CSMD1: variants seen among roughly 807,000 people sequenced by gnomAD.
The protein encoded by CSMD1 is CUB and sushi domain-containing protein 1.
A neutral mutation model predicts 417.5 loss-of-function variants in CSMD1; 213 were observed. The ratio of observed to expected loss-of-function variants is 0.51; its 90% CI spans 0.46 to 0.57. The LOEUF (loss-of-function observed/expected upper bound fraction) is 0.57, where lower values mean the gene tolerates loss of function less well. CSMD1 is among the 20% of genes least tolerant of loss of function. The pLI is 0.00. For missense variants in CSMD1, 6,923 were observed against 4,529.7 expected (o/e 1.53, Z -15.17); for synonymous variants, 2,862 against 1,736.8 (o/e 1.65, Z -16.11).
At chr8:3,601,615 T>C (rs947749118) in intron 8 of CSMD1, among the ~76,000 whole-genome samples, 1 of 152,110 alleles carries the variant, frequency 6.6e-6, no homozygotes, top group African/African-American at 2.4e-5. Flanking sequence ...GCTGCAAAAT[T>C]TTCATGGCTC....
intron 10 of CSMD1, among the ~76,000 whole-genome samples, chr8:3,508,827 A>G (rs560424187): frequency 2.0e-5 from 3 of 152,326 alleles, no homozygotes; most frequent in African/African-American, 7.2e-5. Context: ...AAAGAGACAC[A>G]TCAGCTGTCA....
chr8:4,651,190 A>T (rs746065913), intron 1 of CSMD1, among the ~76,000 whole-genome samples: 2 of 152,224 alleles, frequency 1.3e-5, no homozygotes, highest in Non-Finnish European at 2.9e-5. Context: ...CAAATTCCCT[A>T]ATATCAGATG....
chr8:3,414,145 GAA>G (rs200744652), intron 12 of CSMD1, among the ~76,000 whole-genome samples: 6,743 of 46,726 alleles, frequency 0.14, 246 homozygotes, highest in East Asian at 0.22. Flanking sequence ...TTAAAGAAAA[GAA>G]AAAAAAAAAA....
chr8:4,209,090 C>T (rs540588142), intron 3 of CSMD1, among the ~76,000 whole-genome samples: 84 of 152,212 alleles, frequency 5.5e-4, no homozygotes, highest in African/African-American at 2.0e-3. Flanking sequence ...CTCTCTTCAC[C>T]CTTGCTCGCT....
chr8:3,358,558 A>G (rs1361827352), intron 21 of CSMD1, among the ~76,000 whole-genome samples: 3 of 152,164 alleles, frequency 2.0e-5, no homozygotes, highest in Non-Finnish European at 2.9e-5. Context: ...ATGTGAGCCT[A>G]GTACTTCATG....
chr8:4,059,112 C>A (rs150706150), intron 3 of CSMD1, among the ~76,000 whole-genome samples: 1 of 152,106 alleles, frequency 6.6e-6, no homozygotes, highest in Non-Finnish European at 1.5e-5. Flanking sequence ...ACAGTGCAAT[C>A]AAACTAGAAC....
At chr8:3,770,644 T>C (rs974027030) in intron 5 of CSMD1, among the ~76,000 whole-genome samples, 3 of 152,172 alleles carry the variant, frequency 2.0e-5, no homozygotes, top group Admixed American at 1.3e-4. Flanking sequence ...AAAATTGTTT[T>C]TAGTGCTTTT....
intron 3 of CSMD1, among the ~76,000 whole-genome samples, chr8:4,326,502 G>C (rs1050479713): frequency 4.6e-5 from 7 of 152,254 alleles, no homozygotes; most frequent in African/African-American, 1.4e-4. Flanking sequence ...TAGGAAAAAA[G>C]GTCCATAAAC....
chr8:3,441,492 C>CATATATATATAT (rs377759438), intron 12 of CSMD1, among the ~76,000 whole-genome samples: 2,509 of 143,332 alleles, frequency 0.018, 43 homozygotes, highest in Middle Eastern at 0.03. Flanking sequence ...CATATAATTT[C>CATATATATATAT]ATATATATAT....
In CSMD1 at chr8:2,955,577, T is replaced by C. The variant is rs1444853287; in HGVS notation, c.9994+12A>G. The C allele has an allele frequency of 2.5e-6, 4 of 1,612,738 alleles. No homozygotes were observed. The highest frequency in any genetic ancestry group is 2.5e-6 in the Non-Finnish European group (3 of 1,179,166). ...TTTGGAAAAGTATGCCACTCCTTGA[T>C]CAATGACTTACTTTTACACACAGGC... On this transcript the variant is annotated intron_variant, in intron 64 of 69. Coordinates refer to ENST00000635120, the MANE Select transcript of CSMD1 (RefSeq NM_033225.6).
At chr8:3,521,790 A>G (rs1797519300) in intron 10 of CSMD1, among the ~76,000 whole-genome samples, 1 of 152,234 alleles carries the variant, frequency 6.6e-6, no homozygotes, top group Non-Finnish European at 1.5e-5. Context: ...ATTGAATGAC[A>G]AAGAATGGAT....
chr8:3,197,880 T>C (rs996180743), intron 33 of CSMD1, among the ~76,000 whole-genome samples: 1 of 152,182 alleles, frequency 6.6e-6, no homozygotes, highest in Non-Finnish European at 1.5e-5. Flanking sequence ...ATAAGTTGCA[T>C]TTATGATTCT....
Position 3,369,381 on chromosome 8 carries a change from T to C in CSMD1, c.2783-11A>G. ...AGCCTCCACATAGAGCTTAAAATAA[T>C]AAAGAGAGATGATTACAGCACTAAA... On this transcript the variant is annotated splice_polypyrimidine_tract_variant and intron_variant, in intron 18 of 69. Transcript: ENST00000635120. The C allele has an allele frequency of 7.7e-7, 1 of 1,293,522 alleles. No homozygotes were observed. The highest frequency in any genetic ancestry group is 1.1e-6 in the Non-Finnish European group (1 of 894,806). The allele number at this position is 1,293,522 out of a possible 1,614,324, so 80.1% of individuals were successfully genotyped here.
chr8:4,255,944 C>A (rs1321285838), intron 3 of CSMD1, among the ~76,000 whole-genome samples: 8 of 152,154 alleles, frequency 5.3e-5, no homozygotes, highest in Admixed American at 4.6e-4. Flanking sequence ...TCCCCACAGC[C>A]TAACGTGGTG....
intron 26 of CSMD1, among the ~76,000 whole-genome samples, chr8:3,235,262 T>C (rs1053723941): frequency 2.0e-5 from 3 of 152,216 alleles, no homozygotes; most frequent in Non-Finnish European, 4.4e-5. Context: ...AGTTTCATTA[T>C]AATTTTTAAA....
At chr8:3,623,903 G>C (rs928410296) in intron 7 of CSMD1, among the ~76,000 whole-genome samples, 1 of 152,044 alleles carries the variant, frequency 6.6e-6, no homozygotes, top group African/African-American at 2.4e-5. Context: ...CTTGAACCCG[G>C]GAGGCGGAGT....
chr8:3,846,387 C>A (rs1219955428), intron 5 of CSMD1, among the ~76,000 whole-genome samples: 1 of 151,980 alleles, frequency 6.6e-6, no homozygotes, highest in African/African-American at 2.4e-5. Context: ...CATGACTCTA[C>A]ATGTGAAATA....
intron 10 of CSMD1, among the ~76,000 whole-genome samples, chr8:3,573,519 G>C (rs371940960): frequency 6.6e-6 from 1 of 152,122 alleles, no homozygotes; most frequent in East Asian, 1.9e-4. Context: ...CAACGCCCTG[G>C]AGTTTTACCC....
intron 26 of CSMD1, among the ~76,000 whole-genome samples, chr8:3,239,918 T>C (rs1410211930): frequency 1.3e-5 from 2 of 151,706 alleles, no homozygotes; most frequent in Non-Finnish European, 2.9e-5. Flanking sequence ...ACAATGGTAA[T>C]TGTGGGAGAC....
Sources: gnomAD v4.1 joint callset for allele counts (sites outside exome capture counted in the v4.1 genomes callset) on GRCh38, gnomAD v4.1.1 for gene constraint, MANE v1.5 for transcripts, NCBI Gene and HGNC (gene_info 2026-07-23, HGNC 2026-07-21) for gene names.